Variants in DGKI observed in about 807,000 individuals in gnomAD.
DGKI encodes the protein DAG kinase iota.
A neutral mutation model predicts 147.5 loss-of-function variants in DGKI; 55 were observed. That is an observed-to-expected ratio of 0.37 (90% CI 0.30 to 0.47). DGKI has a LOEUF of 0.47. Among genes scored for constraint, DGKI ranks in the 20% least tolerant of loss-of-function variants. DGKI has a pLI of 1.00. For missense variants in DGKI, 1,007 were observed against 1,323.8 expected (o/e 0.76, Z 3.71); for synonymous variants, 469 against 477.1 (o/e 0.98, Z 0.22).
chr7:137,509,315 ATGAG>A (rs1816495798), intron 21 of DGKI, among the ~76,000 whole-genome samples: 1 of 152,136 alleles, frequency 6.6e-6, no homozygotes, highest in African/African-American at 2.4e-5. Context: ...TGACTGGAGG[ATGAG>A]TGAGGAAGCG....
intron 30 of DGKI, among the ~76,000 whole-genome samples, chr7:137,404,299 G>A (rs2128896982): frequency 6.6e-6 from 1 of 152,226 alleles, no homozygotes; most frequent in African/African-American, 2.4e-5. Context: ...GGAATGAGGT[G>A]AATTAGGCTA....
At chr7:137,428,548 C>T (rs1348049434) in intron 28 of DGKI, among the ~76,000 whole-genome samples, 1 of 152,020 alleles carries the variant, frequency 6.6e-6, no homozygotes, top group Non-Finnish European at 1.5e-5. Context: ...GAAGTTCTGG[C>T]CAGGGCAATT....
rs1230546298 is a variant in DGKI at position 137,482,408 on chromosome 7, ACTC to A, written c.2373+2963_2373+2965del. ...ACAGTGGGCCCTCCTCTTTAACTGA[ACTC>A]CTCCCTAAGTGATCTCCTCCGGCCT... On this transcript the variant is annotated intron_variant, in intron 23 of 32. Transcript: ENST00000614521. Among the ~76,000 whole-genome samples, 8 of 150,988 alleles carry A rather than the reference ACTC, an allele frequency of 5.3e-5. No individual in the cohort carries two copies. In the East Asian group the frequency reaches 1.6e-3, roughly 29 times the overall value.
chr7:137,392,970 C>T (rs1441122129), intron 32 of DGKI, among the ~76,000 whole-genome samples: 1 of 152,142 alleles, frequency 6.6e-6, no homozygotes, highest in Non-Finnish European at 1.5e-5. Flanking sequence ...TATATTATTT[C>T]ATGTGGTAAG....
intron 1 of DGKI, among the ~76,000 whole-genome samples, chr7:137,768,958 T>G (rs1796097997): frequency 1.3e-5 from 2 of 152,176 alleles, no homozygotes; most frequent in South Asian, 2.1e-4. Context: ...GTAATAGTCA[T>G]TGTCAGAGGT....
At chr7:137,802,746 G>C (rs570374722) in intron 1 of DGKI, among the ~76,000 whole-genome samples, 4 of 152,232 alleles carry the variant, frequency 2.6e-5, no homozygotes, top group African/African-American at 9.6e-5. Flanking sequence ...CTCTCTCCTC[G>C]AACTTCTTCC....
intron 3 of DGKI, among the ~76,000 whole-genome samples, chr7:137,673,227 A>C (rs1320955436): frequency 6.6e-6 from 1 of 152,244 alleles, no homozygotes; most frequent in African/African-American, 2.4e-5. Context: ...AGGCGTCAGG[A>C]CTTCGACATA....
At chr7:137,494,993 G>A (rs1054095441) in intron 21 of DGKI, among the ~76,000 whole-genome samples, 3 of 152,056 alleles carry the variant, frequency 2.0e-5, no homozygotes, top group Non-Finnish European at 4.4e-5. Context: ...AGCAGGGGTT[G>A]CTACCATAAT....
chr7:137,499,999 A>C (rs1342176079), intron 21 of DGKI, among the ~76,000 whole-genome samples: 2 of 152,142 alleles, frequency 1.3e-5, no homozygotes, highest in Non-Finnish European at 2.9e-5. Context: ...TCCTGCCTCC[A>C]GATCTTTTAG....
intron 1 of DGKI, among the ~76,000 whole-genome samples, chr7:137,781,136 G>A (rs1796505461): frequency 6.6e-6 from 1 of 152,158 alleles, no homozygotes; most frequent in African/African-American, 2.4e-5. Context: ...GTATTTGAGT[G>A]TCTTCCATGA....
chr7:137,710,672 T>C (rs1466662882), intron 1 of DGKI, among the ~76,000 whole-genome samples: 3 of 152,150 alleles, frequency 2.0e-5, no homozygotes, highest in Non-Finnish European at 4.4e-5. Flanking sequence ...ATGTAAGTTT[T>C]AGAAGATAAT....
chr7:137,458,461 A>C (rs775448380), intron 27 of DGKI, among the ~76,000 whole-genome samples: 4 of 152,168 alleles, frequency 2.6e-5, no homozygotes, highest in African/African-American at 7.2e-5. Context: ...GGACATTGAG[A>C]AAAAGTACAA....
intron 27 of DGKI, among the ~76,000 whole-genome samples, chr7:137,454,451 T>C (rs1338624888): frequency 6.6e-6 from 1 of 152,014 alleles, no homozygotes; most frequent in Admixed American, 6.6e-5. Flanking sequence ...ATGTGAGAGA[T>C]TGAGGAAGAA....
chr7:137,528,698 G>C (rs535314434), intron 20 of DGKI, among the ~76,000 whole-genome samples: 2 of 152,240 alleles, frequency 1.3e-5, no homozygotes, highest in Admixed American at 1.3e-4. Flanking sequence ...ATCTAATTCA[G>C]TATTTGCTAT....
chr7:137,427,244 A>T (rs1051455259), intron 28 of DGKI, among the ~76,000 whole-genome samples: 6 of 152,160 alleles, frequency 3.9e-5, no homozygotes, highest in African/African-American at 9.7e-5. Flanking sequence ...GGATTAAGAA[A>T]CTCACTCAAA....
intron 6 of DGKI, among the ~76,000 whole-genome samples, chr7:137,626,772 G>A (rs1483093573): frequency 6.6e-6 from 1 of 152,068 alleles, no homozygotes; most frequent in Non-Finnish European, 1.5e-5. Context: ...CCTCCCATCC[G>A]GATTTTTGCT....
intron 1 of DGKI, among the ~76,000 whole-genome samples, chr7:137,692,367 C>A (rs1286052833): frequency 6.6e-6 from 1 of 152,166 alleles, no homozygotes. Flanking sequence ...AAACCACACC[C>A]AAGTGCAAAC....
At chr7:137,493,635 C>A (rs554514674) in intron 21 of DGKI, 22 of 665,188 alleles carry the variant, frequency 3.3e-5, no homozygotes, top group East Asian at 5.4e-5. Context: ...AAACACCCAA[C>A]AACACCAAAG....
At chr7:137,572,983 T>A (rs1585244152) in intron 17 of DGKI, 145 bp from the exon 18 acceptor site, 2 of 571,274 alleles carry the variant, frequency 3.5e-6, no homozygotes, top group Non-Finnish European at 6.0e-6. Flanking sequence ...TCACAGTGAT[T>A]AAAAATATAT....
Sources: gnomAD v4.1 joint callset for allele counts (sites outside exome capture counted in the v4.1 genomes callset) on GRCh38, gnomAD v4.1.1 for gene constraint, MANE v1.5 for transcripts, NCBI Gene and HGNC (gene_info 2026-07-23, HGNC 2026-07-21) for gene names.